Variants in NCAM1 observed in about 807,000 individuals in gnomAD.
NCAM1 encodes neural cell adhesion molecule 1.
A neutral mutation model predicts 109.8 loss-of-function variants in NCAM1; 14 were observed. The ratio of observed to expected loss-of-function variants is 0.13; its 90% CI spans 0.08 to 0.20. NCAM1 has a LOEUF of 0.20. NCAM1 is among the 10% of genes least tolerant of loss of function. The pLI is 1.00. For synonymous variants in NCAM1, 418 were observed against 442.9 expected (o/e 0.94, Z 0.70); for missense variants, 774 against 1,109.9 (o/e 0.70, Z 4.30).
At chr11:113,249,443 A>AGGGACTGTGGGG (rs1168129464) in intron 15 of NCAM1, among the ~76,000 whole-genome samples, 2 of 152,134 alleles carry the variant, frequency 1.3e-5, no homozygotes, top group African/African-American at 4.8e-5. Context: ...GACTGTGGGC[A>AGGGACTGTGGGG]GGGACTGTGG....
chr11:113,119,627 C>T lies in NCAM1; in HGVS notation c.53-82752C>T, dbSNP rs998032093. Reference sequence around the variant, plus strand: ...TGGTGGAGGAAGTGATATTTAATATCACATAAAACCAAAATAAATTATTCT... The same window carrying T: ...TGGTGGAGGAAGTGATATTTAATATTACATAAAACCAAAATAAATTATTCT... On this transcript the variant is annotated intron_variant, in intron 1 of 19. Coordinates refer to ENST00000316851, the MANE Select transcript of NCAM1 (RefSeq NM_181351.5). Among the ~76,000 whole-genome samples, 7 of 152,196 alleles carry T rather than the reference C, an allele frequency of 4.6e-5. No homozygotes were observed. The East Asian group carries it at 1.4e-3, about 29-fold the overall frequency.
In NCAM1 at chr11:113,183,885, G is replaced by T. The variant is rs138287584; in HGVS notation, c.53-18494G>T. Among the ~76,000 whole-genome samples, 76 of 152,210 alleles carry T rather than the reference G, an allele frequency of 5.0e-4. 1 individual carries two copies. The East Asian group carries it at 0.013, about 25-fold the overall frequency. ...CTTTCTCTTGATCGTTTAAAATAGG[G>T]AAACAAAAAGATTGTATAGGAAAAT... On this transcript the variant is annotated intron_variant, in intron 1 of 19. Transcript: ENST00000316851.
intron 8 of NCAM1, among the ~76,000 whole-genome samples, chr11:113,217,344 T>A (rs1944559479): frequency 1.3e-5 from 2 of 152,200 alleles, no homozygotes; most frequent in Non-Finnish European, 2.9e-5. Context: ...CTCAGTCCTT[T>A]GCATGAGAGA....
chr11:113,248,663 G>A (rs550270521), intron 15 of NCAM1, among the ~76,000 whole-genome samples: 1 of 152,272 alleles, frequency 6.6e-6, no homozygotes, highest in South Asian at 2.1e-4. Context: ...AACTGCCTGG[G>A]ATATGCATAA....
chr11:112,961,656 G>A lies in NCAM1; in HGVS notation c.44G>A (p.Gly15Glu). ...CTCATCTGGACTTTGTTTTTCCTGG[G>A]AACTGCAGGTACATTTTTTTTTTTT... ...KDLIWTLFFL[G>E]TAVSLQVDIV... The change falls in exon 1 of 20, where the codon GGA (glycine) becomes GAA (glutamate). Residue 15 changes from glycine to glutamate, a missense_variant. Gly to Glu is a moderately conservative substitution (Grantham distance 98). Transcript: ENST00000316851. 6.8e-7 allele frequency: 1 copy of A among 1,480,592 alleles called. No individual in the cohort carries two copies. Among genetic ancestry groups the A allele is most frequent in the Non-Finnish European group, 9.4e-7 (1 of 1,067,894 alleles). 91.7% of individuals were successfully genotyped at this position (1,480,592 alleles called of 1,614,324 possible).
chr11:113,126,068 A>C (rs1941161786), intron 1 of NCAM1, among the ~76,000 whole-genome samples: 1 of 151,410 alleles, frequency 6.6e-6, no homozygotes, highest in Admixed American at 6.6e-5. Context: ...GAGGTGGGAG[A>C]ATCTCATGAG....
chr11:113,033,720 T>C (rs1212220283), intron 1 of NCAM1, among the ~76,000 whole-genome samples: 1 of 152,198 alleles, frequency 6.6e-6, no homozygotes, highest in Non-Finnish European at 1.5e-5. Context: ...ATTCTCCTGC[T>C]TGTTTTTAAT....
chr11:113,019,753 A>T (rs1225263163), intron 1 of NCAM1, among the ~76,000 whole-genome samples: 1 of 152,164 alleles, frequency 6.6e-6, no homozygotes, highest in Admixed American at 6.5e-5. Flanking sequence ...GACACATAAG[A>T]TTTCATATGT....
At chr11:113,204,260 C>T (rs1385259270) in intron 2 of NCAM1, 26 bp from the exon 3 acceptor site, 4 of 1,575,696 alleles carry the variant, frequency 2.5e-6, no homozygotes, top group Non-Finnish European at 3.5e-6. Context: ...ACTTCAGTAG[C>T]TTAAAAATAA....
Position 113,273,209 on chromosome 11 carries a change from C to T in NCAM1, c.2456+1333C>T. On this transcript the variant is annotated intron_variant, in intron 19 of 19. Transcript: ENST00000316851. The surrounding 1 kb of genome is among the most constrained non-coding windows in gnomAD (Gnocchi z 6.0). ...CCCCCAAGGTCGCCCCCCTCGTTGA[C>T]CTGAGCGACACCCCGACCTCAACCC... 2.6e-6 allele frequency: 1 copy of T among 378,192 alleles called. No homozygotes were observed. 23.4% of individuals were successfully genotyped at this position (378,192 alleles called of 1,614,324 possible). A position where few individuals can be genotyped will look rare whatever the true frequency, so the allele number is the denominator to read the frequency against.
intron 14 of NCAM1, chr11:113,236,183 G>C: frequency 2.0e-6 from 2 of 1,025,376 alleles, no homozygotes; most frequent in African/African-American, 1.6e-5. Flanking sequence ...GATAATTTGA[G>C]TTTCCAGCTC....
chr11:113,248,036 G>C (rs1945552514), intron 15 of NCAM1, among the ~76,000 whole-genome samples: 1 of 152,066 alleles, frequency 6.6e-6, no homozygotes, highest in Non-Finnish European at 1.5e-5. Context: ...GGTCATTTCT[G>C]TGCAATGCTA....
At chr11:113,263,492 CT>C in intron 17 of NCAM1, 2 of 985,854 alleles carry the variant, frequency 2.0e-6, no homozygotes, top group Non-Finnish European at 2.4e-6. Context: ...GAAGTCACCC[CT>C]GTTGCCCATG....
intron 1 of NCAM1, among the ~76,000 whole-genome samples, chr11:113,001,190 G>T (rs909450166): frequency 6.6e-6 from 1 of 152,106 alleles, no homozygotes; most frequent in Non-Finnish European, 1.5e-5. Context: ...GGTCTGGAGC[G>T]ATCACCACTT....
At chr11:113,173,124 C>T (rs1003771456) in intron 1 of NCAM1, among the ~76,000 whole-genome samples, 2 of 152,066 alleles carry the variant, frequency 1.3e-5, no homozygotes, top group South Asian at 2.1e-4. Flanking sequence ...GCACAACTGC[C>T]GTGGGGCTGA....
At chr11:113,088,514 C>T (rs1306926018) in intron 1 of NCAM1, among the ~76,000 whole-genome samples, 3 of 141,478 alleles carry the variant, frequency 2.1e-5, no homozygotes, top group Non-Finnish European at 4.6e-5. Context: ...CTGCCCCTGC[C>T]CCACTCAACC....
intron 1 of NCAM1, among the ~76,000 whole-genome samples, chr11:112,996,412 T>C (rs1261529415): frequency 1.3e-5 from 2 of 152,214 alleles, no homozygotes; most frequent in East Asian, 1.9e-4. Flanking sequence ...ATAAACTTCA[T>C]GTGTACTTTC....
chr11:112,972,546 G>C (rs782070695), intron 1 of NCAM1, among the ~76,000 whole-genome samples: 1 of 152,108 alleles, frequency 6.6e-6, no homozygotes, highest in Non-Finnish European at 1.5e-5. Context: ...TCCCAATCTT[G>C]TTAAAAAACG....
At chr11:113,025,778 C>CGAGAGAGAGAGAGAGA (rs199893109) in intron 1 of NCAM1, among the ~76,000 whole-genome samples, 6 of 118,868 alleles carry the variant, frequency 5.0e-5, no homozygotes, top group African/African-American at 1.0e-4. Context: ...CACAGGGAGC[C>CGAGAGAGAGAGAGAGA]GAGAGAGAGA....
Sources: gnomAD v4.1 joint callset for allele counts (sites outside exome capture counted in the v4.1 genomes callset) on GRCh38, gnomAD v4.1.1 for gene constraint, Gnocchi (gnomAD v3.1) non-coding constraint, MANE v1.5 for transcripts, NCBI Gene and HGNC (gene_info 2026-07-23, HGNC 2026-07-21) for gene names.